The following PREX2 variants were observed in gnomAD, a reference collection of about 807,000 sequenced individuals.
PREX2 encodes phosphatidylinositol-3,4,5-trisphosphate dependent Rac exchange factor 2.
A neutral mutation model predicts 203.2 loss-of-function variants in PREX2; 107 were observed. That is an observed-to-expected ratio of 0.53 (90% CI 0.45 to 0.62). PREX2 has a LOEUF of 0.62. Ranked by LOEUF, PREX2 falls within the 20% of genes least tolerant of loss-of-function variation. PREX2 has a pLI of 0.00. For missense variants in PREX2, 1,777 were observed against 1,955.9 expected (o/e 0.91, Z 1.72); for synonymous variants, 672 against 663.6 (o/e 1.01, Z -0.19).
intron 37 of PREX2, among the ~76,000 whole-genome samples, chr8:68,210,528 A>G (rs1812722634): frequency 1.3e-5 from 2 of 152,222 alleles, no homozygotes; most frequent in Admixed American, 6.5e-5. Context: ...GCTCAGAACC[A>G]TAAACCTCGA....
At chr8:68,183,847 AAAATATGGTAAAGTCTT>A (rs376582782) in intron 35 of PREX2, among the ~76,000 whole-genome samples, 21 of 152,236 alleles carry the variant, frequency 1.4e-4, no homozygotes, top group African/African-American at 4.8e-4. Flanking sequence ...GCTTTTTTAA[AAAATATGGTAAAGTCTT>A]ACTTTCTATA....
At position 68,095,288 on chromosome 8, in the gene PREX2, T is replaced by C. The variant is rs370705078; in HGVS notation, c.2368+1566T>C. ...CTCCCCAGAGGTCCAGGGGTGGGTC[T>C]GAAAGCTCCTACCCCCTAATCGCAT... On this transcript the variant is annotated intron_variant, in intron 21 of 39. Transcript: ENST00000288368. Among the ~76,000 whole-genome samples the C allele has an allele frequency of 3.3e-5, 5 of 152,268 alleles. No homozygotes were observed. In the East Asian group the frequency reaches 7.7e-4, roughly 24 times the overall value.
chr8:68,189,924 T>C (rs986126449), intron 35 of PREX2, among the ~76,000 whole-genome samples: 2 of 152,228 alleles, frequency 1.3e-5, no homozygotes, highest in Non-Finnish European at 2.9e-5. Context: ...ATGAGCATAA[T>C]TGTCATTTTG....
In PREX2 at chr8:68,197,870, A is replaced by G. The variant is rs1415152470; in HGVS notation, c.4604+5345A>G. 3.3e-5 allele frequency among the ~76,000 whole-genome samples: 5 copies of G among 151,238 alleles called. No homozygotes were observed. The East Asian group carries it at 9.7e-4, about 29-fold the overall frequency. ...TTTCTTATTCTCTTTTTTTTGCTGCATAATATGTCAACCAGTTTTATACCA... is the reference window on the plus strand; with the variant it reads ...TTTCTTATTCTCTTTTTTTTGCTGCGTAATATGTCAACCAGTTTTATACCA... On this transcript the variant is annotated intron_variant, in intron 37 of 39. Transcript: ENST00000288368.
intron 35 of PREX2, among the ~76,000 whole-genome samples, chr8:68,180,011 T>TA (rs1812054924): frequency 6.6e-6 from 1 of 152,116 alleles, no homozygotes; most frequent in African/African-American, 2.4e-5. Context: ...CTTTTGTCTA[T>TA]TTTCTCCTCC....
chr8:68,206,108 T>C (rs1275835388), intron 37 of PREX2, among the ~76,000 whole-genome samples: 1 of 152,140 alleles, frequency 6.6e-6, no homozygotes, highest in Non-Finnish European at 1.5e-5. Flanking sequence ...TTTGGTAGAG[T>C]AGAAAGAGTC....
chr8:68,170,905 A>G (rs1485835478), intron 35 of PREX2, among the ~76,000 whole-genome samples: 2 of 152,280 alleles, frequency 1.3e-5, no homozygotes, highest in East Asian at 1.9e-4. Flanking sequence ...GGAAGCATCA[A>G]TGCATGGTAA....
At chr8:68,177,004 A>G (rs1349103589) in intron 35 of PREX2, 1 of 152,868 alleles carries the variant, frequency 6.5e-6, no homozygotes, top group Non-Finnish European at 1.5e-5. Context: ...GTACAGCTTC[A>G]GCTGTGCTTC....
At chr8:67,977,628 A>G (rs1298779857) in intron 1 of PREX2, among the ~76,000 whole-genome samples, 3 of 152,162 alleles carry the variant, frequency 2.0e-5, no homozygotes, top group Admixed American at 2.0e-4. Context: ...AGGAAAGGAA[A>G]GGCCAAAGCA....
chr8:68,097,258 C>A (rs1810111631), intron 22 of PREX2, 57 bp downstream of exon 22: 1 of 1,389,106 alleles, frequency 7.2e-7, no homozygotes, highest in East Asian at 2.4e-5. Context: ...AACTGAAATC[C>A]TCCCTCTCCT....
At chr8:67,960,366 A>G (rs1805602763) in intron 1 of PREX2, among the ~76,000 whole-genome samples, 1 of 151,968 alleles carries the variant, frequency 6.6e-6, no homozygotes, top group Non-Finnish European at 1.5e-5. Context: ...TTTCCCCTCC[A>G]TAAACTCCAA....
In PREX2 at chr8:68,192,361, T is replaced by C; in HGVS notation, c.4440T>C (p.Asp1480=). Residue 1480 remains aspartate (D), a synonymous_variant, in exon 37 of 40, where the codon GAT becomes GAC. Transcript: ENST00000288368. ...TAATGAGGCCTCTCAACGCTTTGGA[T>C]GAACTTTACCGACTGGTAGCCTCGT... ...DKLMRPLNAL[D]ELYRLVASFI... is the part of the protein sequence containing the mutation. 1 of 1,607,168 alleles carries C rather than the reference T, an allele frequency of 6.2e-7. No homozygotes were observed. Among genetic ancestry groups the C allele is most frequent in the South Asian group, 1.1e-5 (1 of 90,306 alleles).
At chr8:68,092,606 G>A (rs1809914214) in intron 20 of PREX2, among the ~76,000 whole-genome samples, 1 of 152,074 alleles carries the variant, frequency 6.6e-6, no homozygotes, top group Non-Finnish European at 1.5e-5. Flanking sequence ...CTTAAAAATA[G>A]GATGTTTTTT....
At chr8:68,047,476 T>TATATATATATATATATACAC (rs1163755583) in intron 8 of PREX2, among the ~76,000 whole-genome samples, 3 of 11,234 alleles carry the variant, frequency 2.7e-4, no homozygotes, top group African/African-American at 2.0e-3. Context: ...AATTTATATA[T>TATATATATATATATATACAC]ATATATATAT....
chr8:68,200,686 T>G, intron 37 of PREX2, among the ~76,000 whole-genome samples: 1 of 152,262 alleles, frequency 6.6e-6, no homozygotes, highest in South Asian at 2.1e-4. Context: ...TACATAATTT[T>G]CTTAAAATTA....
intron 39 of PREX2, among the ~76,000 whole-genome samples, chr8:68,225,055 T>C (rs77082362): frequency 0.014 from 2,101 of 152,216 alleles, 66 homozygotes; most frequent in African/African-American, 0.048. Context: ...CTTGCTTGAG[T>C]TTCCTTCCTC....
At chr8:68,071,002 G>C (rs1809178325) in intron 13 of PREX2, among the ~76,000 whole-genome samples, 2 of 152,088 alleles carry the variant, frequency 1.3e-5, no homozygotes, top group Non-Finnish European at 2.9e-5. Flanking sequence ...TGGATAACTT[G>C]ATATTAAGTA....
At chr8:68,162,585 C>T (rs1811677532) in intron 35 of PREX2, among the ~76,000 whole-genome samples, 1 of 151,996 alleles carries the variant, frequency 6.6e-6, no homozygotes, top group Non-Finnish European at 1.5e-5. Flanking sequence ...ACATGGCATC[C>T]AAAGATGGCA....
chr8:68,161,810 A>T (rs991395971), intron 35 of PREX2, among the ~76,000 whole-genome samples: 4 of 152,110 alleles, frequency 2.6e-5, no homozygotes, highest in African/African-American at 9.7e-5. Flanking sequence ...ACACATACTG[A>T]TTACAGTTTG....
Sources: allele counts gnomAD v4.1 joint callset (sites outside exome capture counted in the v4.1 genomes callset), GRCh38; gene constraint gnomAD v4.1.1; transcripts MANE v1.5; gene names NCBI Gene and HGNC (gene_info 2026-07-23, HGNC 2026-07-21).